Variants in MYO5A observed in about 807,000 individuals in gnomAD.
MYO5A encodes the protein unconventional myosin-Va.
MYO5A carries 98 observed loss-of-function variants against 249.7 expected under a neutral mutation model. The observed-to-expected ratio is 0.39, with a 90% confidence interval of 0.33 to 0.46. The LOEUF (loss-of-function observed/expected upper bound fraction) is 0.46, where lower values mean the gene tolerates loss of function less well. Among genes scored for constraint, MYO5A ranks in the 20% least tolerant of loss-of-function variants. The pLI is 0.98. For missense variants in MYO5A, 1,696 were observed against 2,308.8 expected (o/e 0.73, Z 5.44); for synonymous variants, 778 against 810.6 (o/e 0.96, Z 0.68).
At chr15:52,498,599 T>C (rs981231565) in intron 1 of MYO5A, among the ~76,000 whole-genome samples, 5 of 152,236 alleles carry the variant, frequency 3.3e-5, no homozygotes, top group Non-Finnish European at 7.4e-5. Context: ...CTAAGTTTCT[T>C]TTGTGAATTG....
At chr15:52,392,179 A>C (rs566624760) in intron 11 of MYO5A, 109 bp from the exon 12 acceptor site, 135 of 1,082,134 alleles carry the variant, frequency 1.2e-4, no homozygotes, top group African/African-American at 1.1e-3. Flanking sequence ...CAACAACAAC[A>C]ACCTCACGGG....
chr15:52,313,415 C>T lies in MYO5A; in HGVS notation c.*281G>A, dbSNP rs2037846394. 2 of 420,012 alleles carry T rather than the reference C, an allele frequency of 4.8e-6. No individual in the cohort carries two copies. The highest frequency in any genetic ancestry group is 8.8e-6 in the Non-Finnish European group (2 of 226,278). The allele number at this position is 420,012 out of a possible 1,614,324, so 26.0% of individuals were successfully genotyped here. Reference sequence around the variant, plus strand: ...CAGCTGAAGACACATTTTTCTCCTCCTTTCCTTCCTCCCTTCCTTCCATCA... The same window carrying T: ...CAGCTGAAGACACATTTTTCTCCTCTTTTCCTTCCTCCCTTCCTTCCATCA... On this transcript the variant is annotated 3_prime_UTR_variant, in exon 42 of 42. Transcript: ENST00000399233.
intron 5 of MYO5A, among the ~76,000 whole-genome samples, chr15:52,414,248 C>T (rs1051093968): frequency 2.0e-5 from 3 of 152,078 alleles, no homozygotes; most frequent in Admixed American, 1.3e-4. Flanking sequence ...TGCAGCACGC[C>T]GGCCCTCACC....
chr15:52,496,314 G>T (rs1368323681), intron 1 of MYO5A, among the ~76,000 whole-genome samples: 7 of 152,070 alleles, frequency 4.6e-5, no homozygotes, highest in Non-Finnish European at 1.0e-4. Flanking sequence ...TGCTTTCTAG[G>T]CCACATGACT....
chr15:52,337,908 A>G (rs1419467295), intron 32 of MYO5A, 24 bp from the exon 33 acceptor site: 1 of 1,483,842 alleles, frequency 6.7e-7, no homozygotes, highest in Non-Finnish European at 9.1e-7. Context: ...CACAATGGAT[A>G]TTTGTTTTTG....
intron 4 of MYO5A, among the ~76,000 whole-genome samples, chr15:52,424,217 T>G (rs1033116952): frequency 6.6e-6 from 1 of 152,250 alleles, no homozygotes; most frequent in East Asian, 1.9e-4. Context: ...CTTTGAACAC[T>G]AATTACTATT....
chr15:52,310,144 C>T lies in MYO5A; in HGVS notation c.*3552G>A, dbSNP rs1237972676. On this transcript the variant is annotated 3_prime_UTR_variant, in exon 42 of 42. Coordinates refer to ENST00000399233, the MANE Select transcript of MYO5A (RefSeq NM_001382347.1). ...CAAATTCTCCAAACTGACAATAATC[C>T]CCAAATTCCCTATCAGTTGGCTTCG... 6.6e-6 allele frequency: 1 copy of T among 152,124 alleles called. No individual in the cohort carries two copies. The highest frequency in any genetic ancestry group is 2.4e-5 in the African/African-American group (1 of 41,424). 9.4% of individuals were successfully genotyped at this position (152,124 alleles called of 1,614,324 possible).
intron 27 of MYO5A, among the ~76,000 whole-genome samples, chr15:52,353,342 A>C (rs2040047516): frequency 6.6e-6 from 1 of 152,236 alleles, no homozygotes; most frequent in Non-Finnish European, 1.5e-5. Context: ...TTATAGTGGC[A>C]GATGCTAGAG....
At chr15:52,520,996 G>A (rs749139141) in intron 1 of MYO5A, among the ~76,000 whole-genome samples, 13 of 152,258 alleles carry the variant, frequency 8.5e-5, no homozygotes, top group East Asian at 1.9e-4. Context: ...TTGGGAGGCC[G>A]AGGCAGGCGT....
At chr15:52,346,891 A>G (rs965206238) in intron 29 of MYO5A, among the ~76,000 whole-genome samples, 2 of 151,940 alleles carry the variant, frequency 1.3e-5, no homozygotes, top group African/African-American at 4.8e-5. Flanking sequence ...ATGACTAGTT[A>G]CAATGAGCAG....
chr15:52,364,826 G>T, intron 23 of MYO5A, 124 bp from the exon 24 acceptor site: 2 of 1,075,096 alleles, frequency 1.9e-6, no homozygotes, highest in Non-Finnish European at 2.7e-6. Flanking sequence ...TGTGATCCAT[G>T]AAGAGTGTCT....
chr15:52,515,957 A>G (rs1418889718), intron 1 of MYO5A, among the ~76,000 whole-genome samples: 3 of 152,256 alleles, frequency 2.0e-5, no homozygotes. Flanking sequence ...TATAACAGCA[A>G]CAATAGTAAT....
At chr15:52,528,266 G>A (rs960979600) in intron 1 of MYO5A, among the ~76,000 whole-genome samples, 3 of 152,130 alleles carry the variant, frequency 2.0e-5, no homozygotes, top group African/African-American at 7.2e-5. Context: ...GCTAAACTGG[G>A]GAGCTAAAGG....
chr15:52,446,315 C>G (rs973380652), intron 1 of MYO5A, among the ~76,000 whole-genome samples: 8 of 152,254 alleles, frequency 5.3e-5, no homozygotes. Flanking sequence ...GCTCAAGCTG[C>G]CACTTTGAAG....
rs543821499 is a variant in MYO5A, at chr15:52,375,537, G to A, written c.2421-77C>T. ...AATACATATTAGAGAAACTTAAAGA[G>A]TGTCACTGTTTTAGGCATAAATAGT... is the stretch of plus-strand genomic sequence containing the variant. On this transcript the variant is annotated intron_variant, in intron 19 of 41. Coordinates refer to ENST00000399233, the MANE Select transcript of MYO5A (RefSeq NM_001382347.1). 1.4e-5 allele frequency: 21 copies of A among 1,505,146 alleles called. 1 individual carries two copies. The South Asian group carries it at 2.3e-4, about 16-fold the overall frequency. 93.2% of individuals were successfully genotyped at this position (1,505,146 alleles called of 1,614,324 possible).
intron 9 of MYO5A, among the ~76,000 whole-genome samples, chr15:52,401,281 G>A (rs2042743036): frequency 6.6e-6 from 1 of 152,078 alleles, no homozygotes; most frequent in South Asian, 2.1e-4. Flanking sequence ...TGTTGGCCAG[G>A]CTAGTCTCAA....
At chr15:52,337,441 A>T (rs1393664485) in intron 33 of MYO5A, among the ~76,000 whole-genome samples, 1 of 152,266 alleles carries the variant, frequency 6.6e-6, no homozygotes, top group East Asian at 1.9e-4. Flanking sequence ...AAGGCATTCC[A>T]AATACAAATA....
Position 52,459,965 on chromosome 15 carries a change from G to A in MYO5A, c.28-26680C>T, listed in dbSNP as rs1169691506. Among the ~76,000 whole-genome samples, 3 of 151,028 alleles carry A rather than the reference G, an allele frequency of 2.0e-5. No homozygotes were observed. The East Asian group carries it at 5.9e-4, about 30-fold the overall frequency. ...GGTCAGAGACGCTCCTCACCTCCCA[G>A]ACGGGGTGGCGGCGGGGCAGAGACA... On this transcript the variant is annotated intron_variant, in intron 1 of 41. Coordinates refer to ENST00000399233, the MANE Select transcript of MYO5A (RefSeq NM_001382347.1).
intron 30 of MYO5A, among the ~76,000 whole-genome samples, chr15:52,343,765 C>A (rs2039487039): frequency 1.3e-5 from 2 of 152,062 alleles, no homozygotes; most frequent in African/African-American, 2.4e-5. Flanking sequence ...TTTTTAAAAG[C>A]TTTTTTGTGT....
Sources: gnomAD v4.1 joint callset for allele counts (sites outside exome capture counted in the v4.1 genomes callset) on GRCh38, gnomAD v4.1.1 for gene constraint, MANE v1.5 for transcripts, NCBI Gene and HGNC (gene_info 2026-07-23, HGNC 2026-07-21) for gene names.